Variants in ST3GAL2 observed in about 807,000 individuals in gnomAD.
The protein encoded by ST3GAL2 is ST3 beta-galactoside alpha-2,3-sialyltransferase 2.
In ST3GAL2, 16 loss-of-function variants were observed where a neutral mutation model predicts 37.5. The ratio of observed to expected loss-of-function variants is 0.43; its 90% CI spans 0.29 to 0.65. The LOEUF is 0.65. ST3GAL2 is among the 30% of genes least tolerant of loss of function. The pLI is 0.17. For missense variants in ST3GAL2, 383 were observed against 487.8 expected (o/e 0.79, Z 2.02); for synonymous variants, 238 against 202.9 (o/e 1.17, Z -1.47).
rs1217063241 is a variant in ST3GAL2, at chr16:70,381,722, C to G, written c.1020G>C (p.Lys340Asn). ...FEAHIIDMLA[K>N]ASKIEVYRGN ...CCCGGTAGACTTCGATCTTGCTGGCCTTGGCCAGCATGTCGATGATGTGGG... is the reference window on the plus strand; with the variant it reads ...CCCGGTAGACTTCGATCTTGCTGGCGTTGGCCAGCATGTCGATGATGTGGG... The change falls in exon 7 of 7, where the codon AAG becomes AAC. Residue 340 changes from lysine to asparagine, a missense_variant. Transcript: ENST00000342907. The G allele has an allele frequency of 6.2e-7, 1 of 1,614,030 alleles. No individual in the cohort carries two copies. The highest frequency in any genetic ancestry group is 8.5e-7 in the Non-Finnish European group (1 of 1,179,950).
At chr16:70,395,563 G>A (rs748479260) in intron 2 of ST3GAL2, among the ~76,000 whole-genome samples, 3 of 152,202 alleles carry the variant, frequency 2.0e-5, no homozygotes, top group Non-Finnish European at 4.4e-5. Context: ...GGGCGCCCCT[G>A]GCACTCAGGC....
intron 1 of ST3GAL2, among the ~76,000 whole-genome samples, chr16:70,435,084 A>G (rs1049242840): frequency 2.0e-5 from 3 of 152,106 alleles, no homozygotes; most frequent in African/African-American, 7.2e-5. Flanking sequence ...CGGTTCAGCA[A>G]TTTGCTTCGA....
chr16:70,408,808 G>A (rs1474554328), intron 1 of ST3GAL2, among the ~76,000 whole-genome samples: 1 of 133,156 alleles, frequency 7.5e-6, no homozygotes, highest in Non-Finnish European at 1.6e-5. Context: ...AAGTCCTAGA[G>A]AAATAAACTG....
At position 70,380,590 on chromosome 16, in the gene ST3GAL2, T is replaced by G. The variant is rs936456504; in HGVS notation, c.*1099A>C. ...GAGAGCAGGGTGGAGGCAGGCGGCT[T>G]GCGGCGCGCAAGTCTCCTCTTCCCC... On this transcript the variant is annotated 3_prime_UTR_variant, in exon 7 of 7. Coordinates refer to ENST00000342907, the MANE Select transcript of ST3GAL2 (RefSeq NM_006927.4). 2 of 152,244 alleles carry G rather than the reference T, an allele frequency of 1.3e-5. No individual in the cohort carries two copies. The highest frequency in any genetic ancestry group is 4.8e-5 in the African/African-American group (2 of 41,440). 9.4% of individuals were successfully genotyped at this position (152,244 alleles called of 1,614,324 possible).
chr16:70,394,199 G>C (rs1386077246), intron 3 of ST3GAL2, among the ~76,000 whole-genome samples: 1 of 152,160 alleles, frequency 6.6e-6, no homozygotes, highest in East Asian at 1.9e-4. Flanking sequence ...AGAGGTCTTG[G>C]GAATGAATGA....
At chr16:70,433,725 G>C (rs779241120) in intron 1 of ST3GAL2, among the ~76,000 whole-genome samples, 48 of 152,178 alleles carry the variant, frequency 3.2e-4, no homozygotes, top group Non-Finnish European at 6.0e-4. Context: ...GAGGGGACCT[G>C]GGTCCTGAGT....
chr16:70,431,274 T>C (rs961900947), intron 1 of ST3GAL2, among the ~76,000 whole-genome samples: 9 of 152,240 alleles, frequency 5.9e-5, no homozygotes, highest in Admixed American at 5.2e-4. Flanking sequence ...TGTAGACCAA[T>C]TAGCTATTAA....
At chr16:70,427,401 C>T (rs1403839855) in intron 1 of ST3GAL2, among the ~76,000 whole-genome samples, 1 of 148,084 alleles carries the variant, frequency 6.8e-6, no homozygotes, top group Non-Finnish European at 1.5e-5. Flanking sequence ...TGCAGTGGTG[C>T]GATCTCGGCT....
intron 1 of ST3GAL2, chr16:70,400,637 T>G (rs900627574): frequency 6.6e-6 from 1 of 152,298 alleles, no homozygotes; most frequent in Non-Finnish European, 1.5e-5. Context: ...AACGAGCATA[T>G]TGCAGTAAGG....
chr16:70,392,655 G>C (rs568774610), intron 3 of ST3GAL2, among the ~76,000 whole-genome samples: 1 of 152,202 alleles, frequency 6.6e-6, no homozygotes, highest in Non-Finnish European at 1.5e-5. Flanking sequence ...TGGCAGCGAG[G>C]TGGGTGGGGC....
rs183157345 is a variant in ST3GAL2, at chr16:70,387,550, A to C, written c.713+817T>G. 4.5e-4 allele frequency among the ~76,000 whole-genome samples: 69 copies of C among 152,190 alleles called. 1 individual carries two copies. Among genetic ancestry groups the C allele is most frequent in the Admixed American group, 1.2e-3 (18 of 15,274 alleles). ...AACCTGGGTAAGAGAGTGAGACTCC[A>C]TCTCAAAAAAAAATAAAATTAAAAA... is the stretch of plus-strand genomic sequence containing the variant. On this transcript the variant is annotated intron_variant, in intron 4 of 6. Coordinates refer to ENST00000342907, the MANE Select transcript of ST3GAL2 (RefSeq NM_006927.4).
chr16:70,413,551 T>C (rs141622019), intron 1 of ST3GAL2, among the ~76,000 whole-genome samples: 10,526 of 81,722 alleles, frequency 0.13, 1,416 homozygotes, highest in African/African-American at 0.44. Context: ...CCCGTCTCTA[T>C]CAAAAATACA....
At chr16:70,393,416 C>T (rs775833794) in intron 3 of ST3GAL2, among the ~76,000 whole-genome samples, 2 of 152,184 alleles carry the variant, frequency 1.3e-5, no homozygotes, top group Non-Finnish European at 2.9e-5. Context: ...CTGACAGTAC[C>T]GGCCAGATGA....
At chr16:70,426,442 C>T (rs959341723) in intron 1 of ST3GAL2, among the ~76,000 whole-genome samples, 20 of 151,804 alleles carry the variant, frequency 1.3e-4, no homozygotes, top group African/African-American at 4.4e-4. Context: ...TCAGGCAATC[C>T]GCCTGCCTCG....
intron 1 of ST3GAL2, among the ~76,000 whole-genome samples, chr16:70,429,599 A>T (rs2151680164): frequency 6.7e-6 from 1 of 150,328 alleles, no homozygotes; most frequent in South Asian, 2.1e-4. Context: ...AAAAAAAAAA[A>T]AAAAAAAAAG....
Position 70,411,558 on chromosome 16 carries a change from G to C in ST3GAL2, c.-1003-12025C>G, listed in dbSNP as rs192487441. 3.4e-4 allele frequency among the ~76,000 whole-genome samples: 52 copies of C among 152,158 alleles called. 1 individual carries two copies. The East Asian group carries it at 9.1e-3, about 27-fold the overall frequency. ...CCTCGTATGGCAGAGTAGAAAGATC[G>C]AGGGTCCTTCATGTTCCTATGTGAC... On this transcript the variant is annotated intron_variant, in intron 1 of 6. Coordinates refer to ENST00000342907, the MANE Select transcript of ST3GAL2 (RefSeq NM_006927.4).
rs377658212 is a variant in ST3GAL2, at chr16:70,398,477, G to C, written c.54C>G (p.Phe18Leu). The C allele has an allele frequency of 1.2e-6, 2 of 1,613,286 alleles. No homozygotes were observed. The highest frequency in any genetic ancestry group is 8.5e-7 in the Non-Finnish European group (1 of 1,179,986). Residue 18 changes from phenylalanine to leucine, a missense_variant, in exon 2 of 7, where the codon TTC (phenylalanine) becomes TTG (leucine). Physicochemically the swap from Phe to Leu is conservative, Grantham distance 22 (BLOSUM62 0). This residue lies in a region of ST3GAL2 where 223 missense variants were observed against 239.1 expected (regional missense o/e 0.93). Coordinates refer to ENST00000342907, the MANE Select transcript of ST3GAL2 (RefSeq NM_006927.4). Reference sequence around the variant, plus strand: ...AGTAGGTGAAGAGCAGGGACATGATGAACACCAGCAGGAAGGCCACGGAGA... The same window carrying C: ...AGTAGGTGAAGAGCAGGGACATGATCAACACCAGCAGGAAGGCCACGGAGA... ...WFLSVAFLLV[F>L]IMSLLFTYSH... is the part of the protein sequence containing the mutation.
rs1159697483 is a variant in ST3GAL2 at position 70,381,194 on chromosome 16, C to G, written c.*495G>C. ...CGCTTTTCTTTGGTGGGTCTGCACGCACCTATCCGGGCAGGCGGGGAAAGG... is the reference window on the plus strand; with the variant it reads ...CGCTTTTCTTTGGTGGGTCTGCACGGACCTATCCGGGCAGGCGGGGAAAGG... On this transcript the variant is annotated 3_prime_UTR_variant, in exon 7 of 7. Coordinates refer to ENST00000342907, the MANE Select transcript of ST3GAL2 (RefSeq NM_006927.4). 1 of 155,624 alleles carries G rather than the reference C, an allele frequency of 6.4e-6. No individual in the cohort carries two copies. Among genetic ancestry groups the G allele is most frequent in the East Asian group, 1.9e-4 (1 of 5,214 alleles). 9.6% of individuals were successfully genotyped at this position (155,624 alleles called of 1,614,324 possible). A position where few individuals can be genotyped will look rare whatever the true frequency, so the allele number is the denominator to read the frequency against.
At chr16:70,382,160 G>A (rs2047410956) in intron 6 of ST3GAL2, among the ~76,000 whole-genome samples, 1 of 151,806 alleles carries the variant, frequency 6.6e-6, no homozygotes, top group Non-Finnish European at 1.5e-5. Context: ...GGCCACTGGT[G>A]GAACGGGTTC....
Sources: gnomAD v4.1 joint callset for allele counts (sites outside exome capture counted in the v4.1 genomes callset) on GRCh38, gnomAD v4.1.1 for gene constraint, gnomAD v4.1.1 regional missense constraint, MANE v1.5 for transcripts, NCBI Gene and HGNC (gene_info 2026-07-23, HGNC 2026-07-21) for gene names.